Variants in PLCE1 observed in about 807,000 individuals in gnomAD.
The protein encoded by PLCE1 is 1-phosphatidylinositol 4,5-bisphosphate phosphodiesterase epsilon-1.
A neutral mutation model predicts 242.8 loss-of-function variants in PLCE1; 119 were observed. That is an observed-to-expected ratio of 0.49 (90% confidence interval 0.42 to 0.57). The LOEUF is 0.57. Among genes scored for constraint, PLCE1 ranks in the 20% least tolerant of loss-of-function variants. The pLI is 0.00. For missense variants in PLCE1, 2,441 were observed against 2,788.8 expected, an observed-to-expected ratio of 0.88 and a Z score of 2.81; for synonymous variants, 945 against 1,017.4, an observed-to-expected ratio of 0.93 and a Z score of 1.35.
chr10:94,011,066 T>C (rs1196529656), intron 1 of PLCE1, among the ~76,000 whole-genome samples: 1 of 152,138 alleles, frequency 6.6e-6, no homozygotes, highest in Non-Finnish European at 1.5e-5. Context: ...TGCATTGCTA[T>C]AAAGAAATGC....
intron 24 of PLCE1, 103 bp from the exon 25 acceptor site, chr10:94,304,379 G>A: frequency 9.7e-7 from 1 of 1,033,070 alleles, no homozygotes; most frequent in Non-Finnish European, 1.5e-6. Context: ...CTGGAGCTTA[G>A]GGAAAATTGA....
At chr10:94,223,546 C>A (rs1243001991) in intron 4 of PLCE1, among the ~76,000 whole-genome samples, 1 of 152,136 alleles carries the variant, frequency 6.6e-6, no homozygotes, top group East Asian at 1.9e-4. Flanking sequence ...AGGGAGTAAA[C>A]TGTTCTATTT....
intron 1 of PLCE1, among the ~76,000 whole-genome samples, chr10:94,003,295 A>G (rs1421599856): frequency 1.3e-5 from 2 of 152,228 alleles, no homozygotes; most frequent in African/African-American, 4.8e-5. Flanking sequence ...TACTTTGAAG[A>G]AGTAGTTTTA....
intron 29 of PLCE1, among the ~76,000 whole-genome samples, chr10:94,320,965 G>T (rs1306115745): frequency 3.3e-5 from 5 of 152,118 alleles, no homozygotes; most frequent in Non-Finnish European, 5.9e-5. Flanking sequence ...GAAAAGTTTG[G>T]TTTTTCTTAT....
chr10:94,286,929 CTTA>C (rs1431454639), intron 22 of PLCE1: 2 of 152,204 alleles, frequency 1.3e-5, no homozygotes, highest in Non-Finnish European at 1.5e-5. Context: ...CACTGCAGCT[CTTA>C]TTCTTTATAA....
chr10:94,262,084 G>C (rs949244545), intron 13 of PLCE1, among the ~76,000 whole-genome samples: 2 of 145,882 alleles, frequency 1.4e-5, no homozygotes, highest in Non-Finnish European at 3.0e-5. Flanking sequence ...CACTGCAACC[G>C]CCGCCTCCTG....
At chr10:94,140,658 C>T (rs2046927809) in intron 3 of PLCE1, among the ~76,000 whole-genome samples, 1 of 152,222 alleles carries the variant, frequency 6.6e-6, no homozygotes, top group Admixed American at 6.5e-5. Context: ...TACACATACA[C>T]ATTTGAACTA....
chr10:94,229,789 C>T (rs989811635), intron 5 of PLCE1, among the ~76,000 whole-genome samples: 4 of 152,192 alleles, frequency 2.6e-5, no homozygotes, highest in Admixed American at 2.0e-4. Context: ...TGCATTTTGT[C>T]TCACACCCCA....
chr10:94,049,909 TG>T (rs2043716382), intron 2 of PLCE1, among the ~76,000 whole-genome samples: 2 of 152,334 alleles, frequency 1.3e-5, no homozygotes, highest in African/African-American at 4.8e-5. Context: ...ACCTTATATC[TG>T]TAAGATTCAT....
At chr10:94,104,953 A>G (rs936089742) in intron 2 of PLCE1, 2 of 152,246 alleles carry the variant, frequency 1.3e-5, no homozygotes, top group African/African-American at 2.4e-5. Flanking sequence ...AAGGAAGCAA[A>G]TGTAAACAGT....
chr10:94,008,758 A>G (rs1361153535), intron 1 of PLCE1, among the ~76,000 whole-genome samples: 1 of 152,206 alleles, frequency 6.6e-6, no homozygotes, highest in Admixed American at 6.5e-5. Context: ...GTCAGCCAGG[A>G]GGTAACAAGC....
intron 25 of PLCE1, among the ~76,000 whole-genome samples, chr10:94,305,784 A>C (rs2053179981): frequency 6.6e-6 from 1 of 152,264 alleles, no homozygotes; most frequent in African/African-American, 2.4e-5. Flanking sequence ...CATTTTGAAC[A>C]GAATATTAGT....
In PLCE1 at chr10:94,304,659, C is replaced by T; in HGVS notation, c.5622+14C>T. 1 of 1,613,286 alleles carries T rather than the reference C, an allele frequency of 6.2e-7. No homozygotes were observed. On this transcript the variant is annotated intron_variant, in intron 25 of 32. Transcript: ENST00000371380. Reference sequence around the variant, plus strand: ...TATTCTTTAACTGTAAGTACGGCCCCTAGAGAAAGAACATAAGGTCGGGTT... The same window carrying T: ...TATTCTTTAACTGTAAGTACGGCCCTTAGAGAAAGAACATAAGGTCGGGTT...
At chr10:94,119,116 G>T (rs1225734874) in intron 2 of PLCE1, among the ~76,000 whole-genome samples, 3 of 152,182 alleles carry the variant, frequency 2.0e-5, no homozygotes, top group Admixed American at 6.6e-5. Context: ...GAGTACAAAT[G>T]AAGTATATCG....
intron 11 of PLCE1, among the ~76,000 whole-genome samples, chr10:94,258,000 G>A (rs532128602): frequency 7.9e-4 from 120 of 152,280 alleles, no homozygotes; most frequent in African/African-American, 2.3e-3. Context: ...CAGGAAATCA[G>A]TATAGAAAAT....
At chr10:94,325,177 A>G in intron 32 of PLCE1, 73 bp downstream of exon 32, 1 of 1,081,852 alleles carries the variant, frequency 9.2e-7, no homozygotes, top group Non-Finnish European at 1.4e-6. Context: ...CATAATTAGT[A>G]CAATGTCTTT....
intron 29 of PLCE1, among the ~76,000 whole-genome samples, chr10:94,320,622 G>A (rs2053764225): frequency 6.6e-6 from 1 of 152,148 alleles, no homozygotes; most frequent in African/African-American, 2.4e-5. Context: ...AGAATTCTGG[G>A]GATAAGGGAG....
rs10786156 is a variant in PLCE1 at position 94,254,865 on chromosome 10, C to G, written c.3398-28C>G. The G allele has an allele frequency of 0.44, 710,150 of 1,609,604 alleles. 158,558 individuals are homozygous for G. Among genetic ancestry groups the G allele is most frequent in the Middle Eastern group, 0.57 (3,437 of 6,014 alleles). ...GAGGGAAAGTATAATCTGAGTCATT[C>G]TCTCTTTTCTGTCTTTCATCCTCAC... is the stretch of plus-strand genomic sequence containing the variant. On this transcript the variant is annotated intron_variant, in intron 10 of 32. Coordinates refer to ENST00000371380, the MANE Select transcript of PLCE1 (RefSeq NM_016341.4).
intron 2 of PLCE1, among the ~76,000 whole-genome samples, chr10:94,094,958 AT>A (rs2045247862): frequency 6.6e-6 from 1 of 152,226 alleles, no homozygotes; most frequent in African/African-American, 2.4e-5. Flanking sequence ...TTTGACCAAG[AT>A]TAAAAACTTA....
Sources: gnomAD v4.1 joint callset for allele counts (sites outside exome capture counted in the v4.1 genomes callset) on GRCh38, gnomAD v4.1.1 for gene constraint, MANE v1.5 for transcripts, NCBI Gene and HGNC (gene_info 2026-07-23, HGNC 2026-07-21) for gene names.